Variants in SRGAP3 observed in about 807,000 individuals in gnomAD.
SRGAP3 encodes SLIT-ROBO Rho GTPase activating protein 3.
SRGAP3 carries 39 observed loss-of-function variants against 121.1 expected under a neutral mutation model. The observed-to-expected ratio is 0.32, with a 90% confidence interval of 0.25 to 0.42. SRGAP3 has a LOEUF of 0.42. Ranked by LOEUF, SRGAP3 falls within the 10% of genes least tolerant of loss-of-function variation. SRGAP3 has a pLI of 1.00. For synonymous variants in SRGAP3, 601 were observed against 570.0 expected (o/e 1.05, Z -0.77); for missense variants, 1,213 against 1,470.6 (o/e 0.82, Z 2.86).
chr3:9,050,855 T>C (rs1220075250), intron 9 of SRGAP3, among the ~76,000 whole-genome samples: 1 of 152,194 alleles, frequency 6.6e-6, no homozygotes, highest in Non-Finnish European at 1.5e-5. Flanking sequence ...GTTTTCTTCC[T>C]TGACAGGGTC....
chr3:9,293,654 C>A (rs112421742), intron 3 of SRGAP3, among the ~76,000 whole-genome samples: 2 of 151,970 alleles, frequency 1.3e-5, no homozygotes, highest in African/African-American at 4.8e-5. Flanking sequence ...AACAAACAAC[C>A]CCATTAAAAA....
chr3:9,057,404 G>A (rs1470465381), intron 7 of SRGAP3, among the ~76,000 whole-genome samples: 1 of 152,230 alleles, frequency 6.6e-6, no homozygotes, highest in Admixed American at 6.5e-5. Context: ...TCACCATGAG[G>A]CCAGCATTTT....
In SRGAP3 at chr3:9,202,718, G is replaced by A. The variant is rs1011793232; in HGVS notation, c.67+46167C>T. On this transcript the variant is annotated intron_variant, in intron 1 of 21. Coordinates refer to ENST00000383836, the MANE Select transcript of SRGAP3 (RefSeq NM_014850.4). ...AGCTGATGCTGGGCCTGAATCTCCCGCAGGCCTGGGACTCTGTGCCTCGCA... is the reference window on the plus strand; with the variant it reads ...AGCTGATGCTGGGCCTGAATCTCCCACAGGCCTGGGACTCTGTGCCTCGCA... Among the ~76,000 whole-genome samples the A allele has an allele frequency of 2.6e-5, 4 of 152,108 alleles. No individual in the cohort carries two copies. In the South Asian group the frequency reaches 6.2e-4, roughly 24 times the overall value.
chr3:9,185,257 G>C (rs1951558762), intron 1 of SRGAP3, among the ~76,000 whole-genome samples: 1 of 152,116 alleles, frequency 6.6e-6, no homozygotes, highest in Non-Finnish European at 1.5e-5. Context: ...CATGCCCTTG[G>C]ACACCATGCA....
intron 18 of SRGAP3, among the ~76,000 whole-genome samples, chr3:9,003,143 C>A (rs1378131812): frequency 6.6e-6 from 1 of 152,120 alleles, no homozygotes; most frequent in Non-Finnish European, 1.5e-5. Flanking sequence ...AACTACAGAC[C>A]AGTATTTCTT....
intron 4 of SRGAP3, among the ~76,000 whole-genome samples, chr3:9,066,525 G>A (rs1246259656): frequency 6.6e-6 from 1 of 152,130 alleles, no homozygotes; most frequent in Non-Finnish European, 1.5e-5. Context: ...TTGAGACAGA[G>A]TTTCACTCTT....
At chr3:9,090,309 C>T (rs778243983) in intron 3 of SRGAP3, among the ~76,000 whole-genome samples, 4 of 151,992 alleles carry the variant, frequency 2.6e-5, no homozygotes, top group Non-Finnish European at 5.9e-5. Flanking sequence ...ACAAAAGGAG[C>T]TCTGTAAATG....
At chr3:9,213,822 C>T (rs1022045085) in intron 1 of SRGAP3, among the ~76,000 whole-genome samples, 7 of 152,180 alleles carry the variant, frequency 4.6e-5, no homozygotes, top group Admixed American at 2.0e-4. Flanking sequence ...CTTGTAGTTT[C>T]CTCTGCCCTT....
Position 9,013,331 on chromosome 3 carries a change from G to C in SRGAP3, c.2124C>G (p.Cys708Trp). 5 of 1,614,070 alleles carry C rather than the reference G, an allele frequency of 3.1e-6. No homozygotes were observed. The highest frequency in any genetic ancestry group is 4.2e-6 in the Non-Finnish European group (5 of 1,179,986). Reference sequence around the variant, plus strand: ...ACCAATATTCTTCCCCTCCAGCCATGCATTTTTCATACACAGGTCCCTCTA... The same window carrying C: ...ACCAATATTCTTCCCCTCCAGCCATCCATTTTTCATACACAGGTCCCTCTA... ...RELEGPVYEKCMAGGEEYCDS... is the reference protein window; with the variant it reads ...RELEGPVYEKWMAGGEEYCDS... The change falls in exon 17 of 22, where the codon TGC becomes TGG. Residue 708 changes from cysteine to tryptophan, a missense_variant. Physicochemically the swap from Cys to Trp is radical, Grantham distance 215 (BLOSUM62 -2). Coordinates refer to ENST00000383836, the MANE Select transcript of SRGAP3 (RefSeq NM_014850.4).
intron 1 of SRGAP3, among the ~76,000 whole-genome samples, chr3:9,180,700 G>A (rs1461810511): frequency 2.0e-5 from 3 of 152,172 alleles, no homozygotes; most frequent in Admixed American, 6.5e-5. Context: ...TCTGCTCCGC[G>A]AATCTGTCTC....
chr3:9,147,368 T>A (rs1950059685), intron 1 of SRGAP3, among the ~76,000 whole-genome samples: 1 of 152,052 alleles, frequency 6.6e-6, no homozygotes, highest in African/African-American at 2.4e-5. Flanking sequence ...TCAAAACCCA[T>A]CTGTGCGAGG....
At chr3:9,031,379 C>A (rs1192700252) in intron 12 of SRGAP3, among the ~76,000 whole-genome samples, 1 of 152,148 alleles carries the variant, frequency 6.6e-6, no homozygotes, top group Non-Finnish European at 1.5e-5. Flanking sequence ...AAACCACTCC[C>A]TCTGGGTCAC....
chr3:9,149,264 C>A (rs1221723743), intron 1 of SRGAP3, among the ~76,000 whole-genome samples: 2 of 151,748 alleles, frequency 1.3e-5, no homozygotes, highest in African/African-American at 4.8e-5. Flanking sequence ...AGCTAGAGAG[C>A]CCATCTGGCA....
Position 9,006,058 on chromosome 3 carries a change from T to C in SRGAP3, c.2227+4250A>G, listed in dbSNP as rs138869835. Among the ~76,000 whole-genome samples the C allele has an allele frequency of 3.9e-5, 6 of 151,924 alleles. No individual in the cohort carries two copies. The East Asian group carries it at 1.2e-3, about 29-fold the overall frequency. On this transcript the variant is annotated intron_variant, in intron 18 of 21. Transcript: ENST00000383836. ...CTAGGGATTAGGAGCATACACCAAG[T>C]ATAAGAAATTGGCCACTGTTCTTTT... is the stretch of plus-strand genomic sequence containing the variant.
At chr3:9,155,072 A>C (rs73118621) in intron 1 of SRGAP3, among the ~76,000 whole-genome samples, 2 of 150,886 alleles carry the variant, frequency 1.3e-5, no homozygotes, top group Non-Finnish European at 3.0e-5. Flanking sequence ...TTGATCCTTT[A>C]GTATTTCTTT....
intron 3 of SRGAP3, among the ~76,000 whole-genome samples, chr3:9,254,861 AAGAG>A (rs1035622410): frequency 3.4e-5 from 5 of 149,010 alleles, no homozygotes; most frequent in African/African-American, 7.4e-5. Flanking sequence ...GAGGGAAGGA[AAGAG>A]AGAGAGAGAA....
chr3:9,358,827 A>G (rs1004236802), intron 1 of SRGAP3, among the ~76,000 whole-genome samples: 2 of 152,192 alleles, frequency 1.3e-5, no homozygotes, highest in Non-Finnish European at 2.9e-5. Context: ...ACAGATGAAG[A>G]GATGCATAGG....
chr3:9,261,305 A>G (rs975997731), intron 3 of SRGAP3, among the ~76,000 whole-genome samples: 10 of 152,158 alleles, frequency 6.6e-5, no homozygotes, highest in African/African-American at 2.4e-4. Flanking sequence ...CCAAAGGATC[A>G]AAACTCCTCA....
intron 3 of SRGAP3, among the ~76,000 whole-genome samples, chr3:9,287,349 A>C (rs981104851): frequency 6.6e-6 from 1 of 152,178 alleles, no homozygotes; most frequent in African/African-American, 2.4e-5. Context: ...CTTCTGCTTA[A>C]AGTATATTCT....
Sources: allele counts gnomAD v4.1 joint callset (sites outside exome capture counted in the v4.1 genomes callset), GRCh38; gene constraint gnomAD v4.1.1; transcripts MANE v1.5; gene names NCBI Gene and HGNC (gene_info 2026-07-23, HGNC 2026-07-21).